The following GRID2 variants were observed in gnomAD, a reference collection of about 807,000 sequenced individuals.
GRID2 encodes glutamate ionotropic receptor delta type subunit 2.
GRID2 carries 33 observed loss-of-function variants against 114.8 expected under a neutral mutation model. The ratio of observed to expected loss-of-function variants is 0.29; its 90% CI spans 0.22 to 0.38. The LOEUF is 0.38. Among genes scored for constraint, GRID2 ranks in the 10% least tolerant of loss-of-function variants. The pLI is 1.00. For synonymous variants in GRID2, 505 were observed against 449.9 expected (o/e 1.12, Z -1.55); for missense variants, 1,184 against 1,257.7 (o/e 0.94, Z 0.89).
At chr4:92,992,546 T>A (rs963253442) in intron 2 of GRID2, among the ~76,000 whole-genome samples, 5 of 152,174 alleles carry the variant, frequency 3.3e-5, no homozygotes, top group African/African-American at 1.2e-4. Flanking sequence ...ATCTTCAGTA[T>A]TATATTTTGC....
chr4:93,672,402 G>T (rs1724507921), intron 14 of GRID2, among the ~76,000 whole-genome samples: 7 of 152,186 alleles, frequency 4.6e-5, no homozygotes, highest in Admixed American at 4.6e-4. Context: ...AACCCCCATG[G>T]GCAGAAAAGA....
chr4:93,432,912 T>TA, intron 10 of GRID2, among the ~76,000 whole-genome samples: 1 of 151,720 alleles, frequency 6.6e-6, no homozygotes, highest in East Asian at 1.9e-4. Flanking sequence ...AAATAAACAT[T>TA]AAAAAAAATT....
At chr4:93,141,923 A>G (rs1735804380) in intron 4 of GRID2, among the ~76,000 whole-genome samples, 1 of 152,216 alleles carries the variant, frequency 6.6e-6, no homozygotes, top group Non-Finnish European at 1.5e-5. Context: ...AATCTGTACA[A>G]ATAGTACCAC....
intron 1 of GRID2, among the ~76,000 whole-genome samples, chr4:92,489,155 T>A (rs1051283378): frequency 2.6e-5 from 4 of 152,198 alleles, no homozygotes; most frequent in African/African-American, 9.6e-5. Flanking sequence ...CTACTGTAAC[T>A]ACAAACAGCA....
chr4:92,732,299 G>T (rs1238681063), intron 2 of GRID2, among the ~76,000 whole-genome samples: 1 of 151,890 alleles, frequency 6.6e-6, no homozygotes, highest in East Asian at 1.9e-4. Context: ...TATATGAACA[G>T]ACTTTAAATT....
chr4:92,951,737 T>C (rs1578580101), intron 2 of GRID2, among the ~76,000 whole-genome samples: 1 of 152,144 alleles, frequency 6.6e-6, no homozygotes, highest in African/African-American at 2.4e-5. Flanking sequence ...AAACACCCAA[T>C]TCCTCTTCCA....
intron 11 of GRID2, among the ~76,000 whole-genome samples, chr4:93,473,725 A>T (rs926414518): frequency 6.6e-6 from 1 of 152,158 alleles, no homozygotes; most frequent in Non-Finnish European, 1.5e-5. Flanking sequence ...AGAAGGCTAT[A>T]ACTAATTCAT....
intron 12 of GRID2, among the ~76,000 whole-genome samples, chr4:93,502,784 A>G (rs944833070): frequency 2.0e-5 from 3 of 147,222 alleles, no homozygotes; most frequent in Non-Finnish European, 4.5e-5. Flanking sequence ...TCTCAAGCCC[A>G]GATGCTAAAG....
chr4:92,658,720 T>C (rs1732365232), intron 2 of GRID2, among the ~76,000 whole-genome samples: 1 of 151,348 alleles, frequency 6.6e-6, no homozygotes, highest in African/African-American at 2.4e-5. Flanking sequence ...CTTACTCATT[T>C]ACACCATTCC....
intron 1 of GRID2, among the ~76,000 whole-genome samples, chr4:92,370,187 T>G: frequency 6.6e-6 from 1 of 152,206 alleles, no homozygotes; most frequent in East Asian, 1.9e-4. Flanking sequence ...CTGTGATCAG[T>G]GATCTGTGAT....
intron 1 of GRID2, among the ~76,000 whole-genome samples, chr4:92,483,369 C>T (rs2149106918): frequency 6.6e-6 from 1 of 152,062 alleles, no homozygotes; most frequent in South Asian, 2.1e-4. Flanking sequence ...ATAATAACCA[C>T]AATAACAATA....
intron 14 of GRID2, among the ~76,000 whole-genome samples, chr4:93,681,555 C>G (rs1725539401): frequency 6.6e-6 from 1 of 152,110 alleles, no homozygotes; most frequent in African/African-American, 2.4e-5. Context: ...GTAACCAAAA[C>G]AGCATGGTAC....
At chr4:92,885,127 A>G (rs939965187) in intron 2 of GRID2, 6 of 308,374 alleles carry the variant, frequency 1.9e-5, no homozygotes, top group Non-Finnish European at 3.8e-5. Flanking sequence ...GTTAAACTTG[A>G]TGGTTTTGCC....
At position 93,772,442 on chromosome 4, in the gene GRID2, A is replaced by G. The variant is rs771528448; in HGVS notation, c.2968A>G (p.Thr990Ala). 1.9e-6 allele frequency: 3 copies of G among 1,611,324 alleles called. No individual in the cohort carries two copies. The highest frequency in any genetic ancestry group is 2.2e-5 in the South Asian group (2 of 90,874). Reference protein sequence around the residue: ...KTMSSIPYQPTPTLGLNLGND... With the variant: ...KTMSSIPYQPAPTLGLNLGND... ...AATGTCATCTATTCCTTATCAACCAACTCCTACCCTGGGGCTCAATCTGGG... is the reference window on the plus strand; with the variant it reads ...AATGTCATCTATTCCTTATCAACCAGCTCCTACCCTGGGGCTCAATCTGGG... Residue 990 changes from threonine (T) to alanine (A), a missense_variant, in exon 16 of 16, where the codon ACT becomes GCT. By Grantham distance (58) the Thr-to-Ala change is moderately conservative. This residue lies in a region of GRID2 where 717 missense variants were observed against 796.9 expected (regional missense o/e 0.90). Coordinates refer to ENST00000282020, the MANE Select transcript of GRID2 (RefSeq NM_001510.4).
chr4:92,637,880 C>T (rs1360598456), intron 2 of GRID2, among the ~76,000 whole-genome samples: 1 of 151,894 alleles, frequency 6.6e-6, no homozygotes, highest in African/African-American at 2.4e-5. Context: ...AGAATAGTAT[C>T]TGGTAATATT....
At chr4:92,914,965 C>T (rs991524339) in intron 2 of GRID2, among the ~76,000 whole-genome samples, 2 of 152,010 alleles carry the variant, frequency 1.3e-5, no homozygotes, top group Non-Finnish European at 1.5e-5. Flanking sequence ...AAAGAACTTC[C>T]CCAGACTGGG....
chr4:92,507,592 G>T (rs1724041942), intron 1 of GRID2, among the ~76,000 whole-genome samples: 1 of 151,722 alleles, frequency 6.6e-6, no homozygotes. Flanking sequence ...TAAAAAATCA[G>T]TACAAGAGCT....
At position 93,117,151 on chromosome 4, in the gene GRID2, A is replaced by G. The variant is rs959682014; in HGVS notation, c.735+6198A>G. 2.0e-5 allele frequency among the ~76,000 whole-genome samples: 3 copies of G among 152,162 alleles called. No homozygotes were observed. In the South Asian group the frequency reaches 6.2e-4, roughly 31 times the overall value. On this transcript the variant is annotated intron_variant, in intron 4 of 15. Transcript: ENST00000282020. ...ATCAATAGCATTAATTTATTACATA[A>G]TGGTAATTTGATCATTTAGATTGAG... is the stretch of plus-strand genomic sequence containing the variant.
chr4:92,704,978 A>G (rs1307819832), intron 2 of GRID2, among the ~76,000 whole-genome samples: 1 of 152,132 alleles, frequency 6.6e-6, no homozygotes, highest in Non-Finnish European at 1.5e-5. Context: ...AAGCATTTCA[A>G]GGTAATAAGT....
Sources: gnomAD v4.1 joint callset for allele counts (sites outside exome capture counted in the v4.1 genomes callset) on GRCh38, gnomAD v4.1.1 for gene constraint, gnomAD v4.1.1 regional missense constraint, MANE v1.5 for transcripts, NCBI Gene and HGNC (gene_info 2026-07-23, HGNC 2026-07-21) for gene names.